The following RNF130 variants were observed in gnomAD, a reference collection of about 807,000 sequenced individuals.
RNF130 encodes the protein E3 ubiquitin-protein ligase RNF130.
A neutral mutation model predicts 44.6 loss-of-function variants in RNF130; 21 were observed. The observed-to-expected ratio is 0.47, with a 90% CI of 0.33 to 0.68. RNF130 has a LOEUF of 0.68. Among genes scored for constraint, RNF130 ranks in the 30% least tolerant of loss-of-function variants. The pLI is 0.02. For missense variants in RNF130, 479 were observed against 560.6 expected (o/e 0.85, Z 1.47); for synonymous variants, 214 against 210.4 (o/e 1.02, Z -0.15).
At chr5:179,958,043 A>G (rs921073911) in intron 8 of RNF130, among the ~76,000 whole-genome samples, 25 of 151,780 alleles carry the variant, frequency 1.6e-4, no homozygotes, top group African/African-American at 6.1e-4. Flanking sequence ...ACGCCCGGCT[A>G]ATTTTTTGTA....
At chr5:180,052,580 G>A (rs1490964389) in intron 1 of RNF130, among the ~76,000 whole-genome samples, 1 of 152,142 alleles carries the variant, frequency 6.6e-6, no homozygotes, top group Non-Finnish European at 1.5e-5. Flanking sequence ...CAGTACTAAT[G>A]ACTCGATGCA....
At chr5:179,952,413 G>T (rs1055024528), downstream of RNF130, among the ~76,000 whole-genome samples, 9 of 152,056 alleles carry the variant, frequency 5.9e-5, no homozygotes, top group African/African-American at 1.7e-4. Flanking sequence ...GGACCAGATG[G>T]CTTCCAAATA....
intron 3 of RNF130, among the ~76,000 whole-genome samples, chr5:179,998,858 T>A (rs1561686190): frequency 3.7e-5 from 3 of 81,356 alleles, no homozygotes; most frequent in Non-Finnish European, 5.0e-5. Context: ...TCTAGTATTT[T>A]TTATATATAT....
At position 180,016,086 on chromosome 5, in the gene RNF130, C is replaced by T. The variant is rs545750513; in HGVS notation, c.443-2775G>A. Among the ~76,000 whole-genome samples, 212 of 152,258 alleles carry T rather than the reference C, an allele frequency of 1.4e-3. 2 individuals are homozygous for T. Among genetic ancestry groups the T allele is most frequent in the Non-Finnish European group, 1.7e-3 (117 of 68,012 alleles). ...TCATTACACCAGCACAGAGAAGAGC[C>T]GGGCAGAGGAGCCCGACCCTGCCGA... On this transcript the variant is annotated intron_variant, in intron 2 of 8. Transcript: ENST00000521389.
chr5:180,056,887 T>C (rs148182690), intron 1 of RNF130, among the ~76,000 whole-genome samples: 4 of 152,198 alleles, frequency 2.6e-5, no homozygotes, highest in East Asian at 1.9e-4. Flanking sequence ...CTCACTAACA[T>C]GATGTGAGCA....
intron 1 of RNF130, among the ~76,000 whole-genome samples, chr5:180,059,137 A>G (rs2113176248): frequency 6.6e-6 from 1 of 152,234 alleles, no homozygotes; most frequent in Middle Eastern, 3.4e-3. Flanking sequence ...ACTCCTTTCA[A>G]ATTCCACAAG....
intron 1 of RNF130, among the ~76,000 whole-genome samples, chr5:180,060,133 C>T (rs1182463804): frequency 1.3e-5 from 2 of 152,186 alleles, no homozygotes; most frequent in African/African-American, 4.8e-5. Context: ...ATGATTCCCC[C>T]TGAGAGCTCC....
Position 180,013,067 on chromosome 5 carries a change from C to T in RNF130, c.687G>A (p.Arg229=), listed in dbSNP as rs1763628368. 1 of 1,612,838 alleles carries T rather than the reference C, an allele frequency of 6.2e-7. No homozygotes were observed. Among genetic ancestry groups the T allele is most frequent in the African/African-American group, 1.3e-5 (1 of 75,026 alleles). Residue 229 remains arginine (R), a synonymous_variant, in exon 3 of 9, where the codon AGG becomes AGA. Coordinates refer to ENST00000521389, the MANE Select transcript of RNF130 (RefSeq NM_018434.6). ...QKIRYTNARD[R]NQRRLGDAAK... ...TGTTGAGTACTGAGCTCACCTGGTT[C>T]CTGTCGCGTGCATTTGTGTACCTGA...
rs1231563305 is a variant in RNF130, at chr5:179,955,601, A to AG, written c.*52dup. 3 of 1,501,150 alleles carry AG rather than the reference A, an allele frequency of 2.0e-6. No homozygotes were observed. The highest frequency in any genetic ancestry group is 1.8e-6 in the Non-Finnish European group (2 of 1,102,444). 93.0% of individuals were successfully genotyped at this position (1,501,150 alleles called of 1,614,324 possible). A position where few individuals can be genotyped will look rare whatever the true frequency, so the allele number is the denominator to read the frequency against. ...TGATTGGTAAATGATGCACAAAAAT[A>AG]GGTTCTTTTTTCCTTCAAGGCAAAA... is the stretch of plus-strand genomic sequence containing the variant. On this transcript the variant is annotated 3_prime_UTR_variant, in exon 9 of 9. Transcript: ENST00000521389.
At chr5:180,009,791 C>T (rs1194762877) in intron 3 of RNF130, among the ~76,000 whole-genome samples, 1 of 152,214 alleles carries the variant, frequency 6.6e-6, no homozygotes, top group African/African-American at 2.4e-5. Flanking sequence ...ACACCAAAAC[C>T]TGTATGTGAT....
In RNF130 at chr5:179,966,916, GCGAGGTCGC is replaced by G; in HGVS notation, c.1031_1039del (p.Gly344_Leu346del). 6.2e-7 allele frequency: 1 copy of G among 1,614,244 alleles called. No homozygotes were observed. The highest frequency in any genetic ancestry group is 1.3e-5 in the African/African-American group (1 of 75,068). Reference sequence around the variant, plus strand: ...CTCAAGGCCAAGGGAGTTGTCGCCGGCGAGGTCGCCGAGGGCTGATCTTCGGTTAACAGC... The same window carrying G: ...CTCAAGGCCAAGGGAGTTGTCGCCGGCGAGGGCTGATCTTCGGTTAACAGC... On this transcript the variant is annotated inframe_deletion, in exon 7 of 9. Transcript: ENST00000521389.
chr5:179,990,060 T>C (rs546264744), intron 3 of RNF130, among the ~76,000 whole-genome samples: 2 of 152,236 alleles, frequency 1.3e-5, no homozygotes, highest in African/African-American at 4.8e-5. Context: ...TCTCCCCATG[T>C]GTGGAGACGA....
intron 2 of RNF130, among the ~76,000 whole-genome samples, chr5:180,036,045 T>G (rs929606689): frequency 6.6e-6 from 1 of 152,228 alleles, no homozygotes; most frequent in Non-Finnish European, 1.5e-5. Context: ...CTATAGACTT[T>G]TGTTTTCCTG....
chr5:180,013,998 T>C (rs1763656763), intron 2 of RNF130, among the ~76,000 whole-genome samples: 1 of 152,210 alleles, frequency 6.6e-6, no homozygotes, highest in Non-Finnish European at 1.5e-5. Flanking sequence ...TGAGGCTCCT[T>C]GCTAGTTTAC....
chr5:180,006,333 AT>A (rs1763461806), intron 3 of RNF130, among the ~76,000 whole-genome samples: 1 of 152,182 alleles, frequency 6.6e-6, no homozygotes, highest in South Asian at 2.1e-4. Flanking sequence ...GTTTTCAAAG[AT>A]TAACTGTACT....
intron 2 of RNF130, among the ~76,000 whole-genome samples, chr5:180,036,236 A>C (rs1272370121): frequency 6.6e-6 from 1 of 151,974 alleles, no homozygotes; most frequent in Non-Finnish European, 1.5e-5. Context: ...CATGAAATCT[A>C]TTTTCACTGT....
At chr5:179,921,979 C>T (rs1043092734) in intron 7 of RNF130, among the ~76,000 whole-genome samples, 2 of 151,674 alleles carry the variant, frequency 1.3e-5, no homozygotes, top group Admixed American at 6.6e-5. Flanking sequence ...GGAGATTGCA[C>T]CACCGCACTC....
At chr5:180,000,830 T>C (rs1013292035) in intron 3 of RNF130, among the ~76,000 whole-genome samples, 3 of 152,234 alleles carry the variant, frequency 2.0e-5, no homozygotes, top group Non-Finnish European at 2.9e-5. Flanking sequence ...TCTCTGAGTT[T>C]CCATACGATC....
At chr5:179,947,858 A>G (rs1014377791) in intron 7 of RNF130, among the ~76,000 whole-genome samples, 7 of 152,238 alleles carry the variant, frequency 4.6e-5, no homozygotes, top group African/African-American at 1.7e-4. Flanking sequence ...TATATTATAC[A>G]TACAGTATAT....
Sources: allele counts gnomAD v4.1 joint callset (sites outside exome capture counted in the v4.1 genomes callset), GRCh38; gene constraint gnomAD v4.1.1; transcripts MANE v1.5; gene names NCBI Gene and HGNC (gene_info 2026-07-23, HGNC 2026-07-21).